Variants in MTA3 observed in about 807,000 individuals in gnomAD.
MTA3 encodes metastasis associated 1 family member 3, also known as metastasis-associated protein MTA3.
A neutral mutation model predicts 83.5 loss-of-function variants in MTA3; 34 were observed. That is an observed-to-expected ratio of 0.41 (90% confidence interval 0.31 to 0.54). MTA3 has a LOEUF of 0.54. MTA3 is among the 20% of genes least tolerant of loss of function. The pLI is 0.33. For missense variants in MTA3, 761 were observed against 726.4 expected (o/e 1.05, Z -0.55); for synonymous variants, 303 against 252.7 (o/e 1.20, Z -1.89).
At chr2:42,585,861 C>G (rs540699929) in intron 3 of MTA3, among the ~76,000 whole-genome samples, 120 of 152,076 alleles carry the variant, frequency 7.9e-4, no homozygotes, top group African/African-American at 2.8e-3. Context: ...TCACTTGAGT[C>G]CAGTATTTCA....
chr2:42,629,260 T>C (rs1686437625), intron 4 of MTA3, among the ~76,000 whole-genome samples: 1 of 152,006 alleles, frequency 6.6e-6, no homozygotes, highest in Non-Finnish European at 1.5e-5. Context: ...TTTGTATCTT[T>C]AGTAGAGACA....
intron 3 of MTA3, among the ~76,000 whole-genome samples, chr2:42,585,477 T>G (rs1233113363): frequency 1.9e-5 from 1 of 53,306 alleles, no homozygotes; most frequent in African/African-American, 9.8e-5. Flanking sequence ...CTTTCTTTTC[T>G]TTTTTTTTTT....
intron 4 of MTA3, among the ~76,000 whole-genome samples, chr2:42,619,626 C>G (rs1685304767): frequency 6.6e-6 from 1 of 152,110 alleles, no homozygotes. Context: ...CAAATAAAAT[C>G]TCAGCAGGAT....
At chr2:42,663,226 A>T (rs1021231150) in intron 8 of MTA3, among the ~76,000 whole-genome samples, 3 of 152,036 alleles carry the variant, frequency 2.0e-5, no homozygotes, top group African/African-American at 7.2e-5. Context: ...TGTTCCTGAG[A>T]TGGTGGAGAG....
Position 42,712,019 on chromosome 2 carries a change from C to T in MTA3, c.1525+2923C>T, listed in dbSNP as rs75829448. 8.2e-3 allele frequency among the ~76,000 whole-genome samples: 1,245 copies of T among 152,226 alleles called. 18 individuals are homozygous for T. The highest frequency in any genetic ancestry group is 0.027 in the African/African-American group (1,138 of 41,528). ...AGTTCTTCCCTGTGAGCTTGAGACT[C>T]TTCCAAGCACTGTAGAAGGTGACCT... is the stretch of plus-strand genomic sequence containing the variant. On this transcript the variant is annotated intron_variant, in intron 14 of 16. Transcript: ENST00000405094.
chr2:42,516,780 G>A (rs985889095), intron 2 of MTA3, among the ~76,000 whole-genome samples: 1 of 152,202 alleles, frequency 6.6e-6, no homozygotes, highest in African/African-American at 2.4e-5. Flanking sequence ...ATGTAGGCGT[G>A]TGCAAAAGTA....
chr2:42,629,956 A>G (rs1686513610), intron 4 of MTA3, among the ~76,000 whole-genome samples: 1 of 151,802 alleles, frequency 6.6e-6, no homozygotes, highest in Non-Finnish European at 1.5e-5. Flanking sequence ...CTTTTTTTGT[A>G]TTTTTAGTAG....
chr2:42,676,832 T>C (rs1347191702), intron 8 of MTA3, among the ~76,000 whole-genome samples: 1 of 152,220 alleles, frequency 6.6e-6, no homozygotes, highest in Non-Finnish European at 1.5e-5. Flanking sequence ...TTTAATCTTT[T>C]AGTTTTTTCA....
At chr2:42,522,063 T>G (rs1473615844) in intron 2 of MTA3, among the ~76,000 whole-genome samples, 1 of 152,136 alleles carries the variant, frequency 6.6e-6, no homozygotes, top group Admixed American at 6.6e-5. Context: ...CACACCTGAA[T>G]CTTTCTAAGG....
intron 3 of MTA3, among the ~76,000 whole-genome samples, chr2:42,605,290 G>A (rs1249537602): frequency 3.5e-5 from 2 of 56,646 alleles, no homozygotes; most frequent in East Asian, 5.4e-4. Flanking sequence ...CCTCCCGGAC[G>A]GGGCGGCTGG....
At chr2:42,700,221 A>G (rs1693744088) in intron 11 of MTA3, among the ~76,000 whole-genome samples, 1 of 152,116 alleles carries the variant, frequency 6.6e-6, no homozygotes, top group Non-Finnish European at 1.5e-5. Flanking sequence ...AATCTGGAGC[A>G]CTGATGAGGA....
In MTA3 at chr2:42,753,712, A is replaced by T; in HGVS notation, c.*313A>T. On this transcript the variant is annotated 3_prime_UTR_variant, in exon 17 of 17. Coordinates refer to ENST00000405094, the MANE Select transcript of MTA3 (RefSeq NM_001330442.2). The stretch of plus-strand genomic sequence containing the variant: ...TCCCTTCTGCAGCGCCCTGCGCCCC[A>T]CCCAGCAACAGCGGCCACTTGGCAG... 8.4e-7 allele frequency: 1 copy of T among 1,189,750 alleles called. No homozygotes were observed. The highest frequency in any genetic ancestry group is 2.1e-5 in the South Asian group (1 of 47,462). 73.7% of individuals were successfully genotyped at this position (1,189,750 alleles called of 1,614,324 possible).
At chr2:42,663,900 T>C (rs922341724) in intron 8 of MTA3, among the ~76,000 whole-genome samples, 1 of 152,212 alleles carries the variant, frequency 6.6e-6, no homozygotes, top group Non-Finnish European at 1.5e-5. Context: ...CGATTACTTT[T>C]GTATCACATA....
At chr2:42,705,207 G>A (rs967722220) in intron 12 of MTA3, among the ~76,000 whole-genome samples, 3 of 152,166 alleles carry the variant, frequency 2.0e-5, no homozygotes, top group African/African-American at 7.2e-5. Flanking sequence ...TGGTACATGG[G>A]GATGTGTTTA....
chr2:42,527,278 C>G (rs1016795579), intron 2 of MTA3, among the ~76,000 whole-genome samples: 1 of 152,032 alleles, frequency 6.6e-6, no homozygotes, highest in Non-Finnish European at 1.5e-5. Flanking sequence ...GCTGCATCAC[C>G]CAATTGGAAC....
At chr2:42,599,076 G>A (rs1020293120) in intron 3 of MTA3, among the ~76,000 whole-genome samples, 2 of 152,200 alleles carry the variant, frequency 1.3e-5, no homozygotes, top group African/African-American at 4.8e-5. Context: ...AGTGGTGACA[G>A]CTCAGGGCTC....
Position 42,504,492 on chromosome 2 carries a change from C to T in MTA3, c.-141+9238C>T, listed in dbSNP as rs143937956. ...CTGACCTCAGGTGATCCAGCTGCCT[C>T]GGCCTCCCAAAGTGCTGGGATCACA... On this transcript the variant is annotated intron_variant, in intron 2 of 17. Transcript: ENST00000405592. Among the ~76,000 whole-genome samples, 447 of 151,786 alleles carry T rather than the reference C, an allele frequency of 2.9e-3. 3 individuals are homozygous for T. Among genetic ancestry groups the T allele is most frequent in the African/African-American group, 9.9e-3 (410 of 41,384 alleles).
intron 14 of MTA3, among the ~76,000 whole-genome samples, chr2:42,713,331 T>C (rs551274095): frequency 3.6e-5 from 5 of 139,960 alleles, no homozygotes; most frequent in Admixed American, 2.2e-4. Context: ...ATGAGATTTT[T>C]CTAGAGATTT....
intron 4 of MTA3, among the ~76,000 whole-genome samples, chr2:42,622,438 G>A (rs531641358): frequency 2.6e-5 from 4 of 151,516 alleles, no homozygotes; most frequent in Non-Finnish European, 5.9e-5. Context: ...GGGAGGGAGA[G>A]GGATCTTATT....
Sources: gnomAD v4.1 joint callset for allele counts (sites outside exome capture counted in the v4.1 genomes callset) on GRCh38, gnomAD v4.1.1 for gene constraint, MANE v1.5 for transcripts, NCBI Gene and HGNC (gene_info 2026-07-23, HGNC 2026-07-21) for gene names.